AKAP13: variants seen among roughly 807,000 people sequenced by gnomAD.
AKAP13 encodes A-kinase anchor protein 13.
AKAP13 carries 80 observed loss-of-function variants against 264.5 expected under a neutral mutation model. The ratio of observed to expected loss-of-function variants is 0.30; its 90% CI spans 0.25 to 0.36. AKAP13 has a LOEUF of 0.36. Among genes scored for constraint, AKAP13 ranks in the 10% least tolerant of loss-of-function variants. The pLI is 1.00. For missense variants in AKAP13, 3,712 were observed against 3,435.2 expected, an observed-to-expected ratio of 1.08 and a Z score of -2.01; for synonymous variants, 1,380 against 1,250.2, an observed-to-expected ratio of 1.10 and a Z score of -2.19.
At chr15:85,429,970 G>A (rs921795351) in intron 1 of AKAP13, among the ~76,000 whole-genome samples, 6 of 152,308 alleles carry the variant, frequency 3.9e-5, no homozygotes, top group Non-Finnish European at 8.8e-5. Context: ...TGTTTAGTTA[G>A]TAGATCTGTG....
At position 85,579,708 on chromosome 15, in the gene AKAP13, A is replaced by T. The variant is rs1165482873; in HGVS notation, c.1640A>T (p.Lys547Ile). The T allele has an allele frequency of 6.2e-7, 1 of 1,614,242 alleles. No homozygotes were observed. The highest frequency in any genetic ancestry group is 1.1e-5 in the South Asian group (1 of 91,088). The change falls in exon 7 of 37, where the codon AAA (lysine) becomes ATA (isoleucine). Residue 547 changes from lysine to isoleucine, a missense_variant. Transcript: ENST00000394518. ...GCTGCCAGTTCCCTGGATGGTAACA[A>T]ACCTGCTGAGTCTTCACTTGCATTT... Reference protein sequence around the residue: ...APAASSLDGNKPAESSLAFSN... With the variant: ...APAASSLDGNIPAESSLAFSN...
intron 5 of AKAP13, among the ~76,000 whole-genome samples, chr15:85,545,035 C>T (rs990083687): frequency 3.3e-5 from 5 of 152,216 alleles, no homozygotes; most frequent in South Asian, 2.1e-4. Flanking sequence ...TTCCCCATCA[C>T]GCTAGACAGA....
At chr15:85,695,719 A>G (rs922923211) in intron 17 of AKAP13, among the ~76,000 whole-genome samples, 2 of 152,266 alleles carry the variant, frequency 1.3e-5, no homozygotes, top group Non-Finnish European at 2.9e-5. Context: ...CTGTGGGCAG[A>G]GATCACACAC....
At chr15:85,642,042 A>T (rs2082331739) in intron 9 of AKAP13, among the ~76,000 whole-genome samples, 1 of 152,204 alleles carries the variant, frequency 6.6e-6, no homozygotes, top group African/African-American at 2.4e-5. Flanking sequence ...TTACAGACAG[A>T]TTTACATATG....
intron 1 of AKAP13, among the ~76,000 whole-genome samples, chr15:85,446,487 A>T (rs1331386876): frequency 2.0e-5 from 3 of 152,228 alleles, no homozygotes; most frequent in African/African-American, 7.2e-5. Flanking sequence ...GGGGACTAGG[A>T]TGTCTAGCAG....
rs370429116 is a variant in AKAP13, at chr15:85,638,917, G to T, written c.4162-457G>T. 1.5e-4 allele frequency among the ~76,000 whole-genome samples: 23 copies of T among 152,086 alleles called. No homozygotes were observed. The South Asian group carries it at 4.8e-3, about 32-fold the overall frequency. ...GATTACAGGCGTGCACCACCACCAT[G>T]CCTGGGTAAATTTTGTATTTTAGTA... On this transcript the variant is annotated intron_variant, in intron 8 of 36. Transcript: ENST00000394518.
At position 85,543,752 on chromosome 15, in the gene AKAP13, A is replaced by G. The variant is rs746853550; in HGVS notation, c.479-20A>G. The G allele has an allele frequency of 2.3e-5, 36 of 1,576,800 alleles. No individual in the cohort carries two copies. Among genetic ancestry groups the G allele is most frequent in the East Asian group, 2.3e-5 (1 of 44,330 alleles). Reference sequence around the variant, plus strand: ...TTTTATATTTTCCTCACTTACGTTCATTTTCTCCCCCATTTACAGATGCTG... The same window carrying G: ...TTTTATATTTTCCTCACTTACGTTCGTTTTCTCCCCCATTTACAGATGCTG... On this transcript the variant is annotated intron_variant, in intron 4 of 36. Transcript: ENST00000394518.
At chr15:85,681,901 T>C (rs1410718311) in intron 14 of AKAP13, among the ~76,000 whole-genome samples, 1 of 152,164 alleles carries the variant, frequency 6.6e-6, no homozygotes. Context: ...AAAAGTTATT[T>C]GGAGTCTTTT....
At chr15:85,512,144 TCA>T (rs2076447137) in intron 2 of AKAP13, among the ~76,000 whole-genome samples, 1 of 152,180 alleles carries the variant, frequency 6.6e-6, no homozygotes, top group Non-Finnish European at 1.5e-5. Context: ...CTTTATTTAC[TCA>T]GTTATGGAAC....
Position 85,512,811 on chromosome 15 carries a change from TTTTA to T in AKAP13, c.34-8615_34-8612del, listed in dbSNP as rs776230897. 4.7e-3 allele frequency among the ~76,000 whole-genome samples: 680 copies of T among 144,566 alleles called. 3 individuals carry two copies. Among genetic ancestry groups the T allele is most frequent in the Non-Finnish European group, 6.9e-3 (461 of 66,424 alleles). 94.8% of individuals were successfully genotyped at this position (144,566 alleles called of 152,430 possible). On this transcript the variant is annotated intron_variant, in intron 2 of 36. Coordinates refer to ENST00000394518, the MANE Select transcript of AKAP13 (RefSeq NM_007200.5). ...ACCATGCTCCTACAGTGTTGACTATTTTTATGTATGTATGTATGTATGTATGTAT... is the reference window on the plus strand; with the variant it reads ...ACCATGCTCCTACAGTGTTGACTATTTGTATGTATGTATGTATGTATGTAT...
At chr15:85,740,963 C>A in intron 34 of AKAP13, 83 bp from the exon 35 acceptor site, 1 of 1,516,864 alleles carries the variant, frequency 6.6e-7, no homozygotes, top group Non-Finnish European at 8.8e-7. Context: ...GCCTGGTGCC[C>A]CCTGCTGTGG....
chr15:85,678,432 G>A (rs973308721), intron 14 of AKAP13, among the ~76,000 whole-genome samples: 4 of 152,108 alleles, frequency 2.6e-5, no homozygotes, highest in Non-Finnish European at 5.9e-5. Context: ...TAAGGATTTG[G>A]TATATTTTTC....
chr15:85,669,793 C>T lies in AKAP13; in HGVS notation c.5064C>T (p.Ser1688=), dbSNP rs2083814412. The T allele has an allele frequency of 2.5e-6, 4 of 1,613,124 alleles. No homozygotes were observed. The highest frequency in any genetic ancestry group is 3.4e-6 in the Non-Finnish European group (4 of 1,179,244). The change falls in exon 14 of 37, where the codon TCC becomes TCT. Residue 1688 remains serine (S), a synonymous_variant. Coordinates refer to ENST00000394518, the MANE Select transcript of AKAP13 (RefSeq NM_007200.5). Reference sequence around the variant, plus strand: ...CCATTTCCTCTCCATTGACAAAATCCATCTCATTAATGACAATCAGCCATC... The same window carrying T: ...CCATTTCCTCTCCATTGACAAAATCTATCTCATTAATGACAATCAGCCATC... The part of the protein sequence containing the change: ...TSAISSPLTK[S]ISLMTISHPG...
At chr15:85,686,233 TAC>T (rs2084919860) in intron 16 of AKAP13, among the ~76,000 whole-genome samples, 1 of 152,140 alleles carries the variant, frequency 6.6e-6, no homozygotes, top group South Asian at 2.1e-4. Flanking sequence ...TACAGATATA[TAC>T]ACACGTAGAT....
intron 14 of AKAP13, 57 bp from the exon 15 acceptor site, chr15:85,682,101 A>C: frequency 6.8e-7 from 1 of 1,481,234 alleles, no homozygotes; most frequent in Non-Finnish European, 9.4e-7. Flanking sequence ...TAAATATTCT[A>C]CCCGGCATCA....
intron 2 of AKAP13, among the ~76,000 whole-genome samples, chr15:85,498,199 G>GATATAGATATATATATAT (rs1467895169): frequency 1.8e-4 from 24 of 133,080 alleles, no homozygotes; most frequent in East Asian, 1.7e-3. Context: ...AATGAAGTGA[G>GATATAGATATATATATAT]ATATATATAT....
At chr15:85,744,584 C>T (rs779117718) in intron 36 of AKAP13, 44 bp from the exon 37 acceptor site, 4 of 1,600,766 alleles carry the variant, frequency 2.5e-6, no homozygotes, top group Non-Finnish European at 3.4e-6. Flanking sequence ...ATGAAAGGAG[C>T]AGTTTTTCTG....
Position 85,507,444 on chromosome 15 carries a change from C to T in AKAP13, c.34-13984C>T, listed in dbSNP as rs578052781. 7.3e-5 allele frequency among the ~76,000 whole-genome samples: 11 copies of T among 150,634 alleles called. No individual in the cohort carries two copies. The South Asian group carries it at 1.0e-3, about 14-fold the overall frequency. On this transcript the variant is annotated intron_variant, in intron 2 of 36. Transcript: ENST00000394518. ...GTAGTAACCATATTTCCCACAAAGC[C>T]GAAAATATTTACCATCTGAGTCTTC...
intron 8 of AKAP13, among the ~76,000 whole-genome samples, chr15:85,595,089 G>T: frequency 6.6e-6 from 1 of 151,656 alleles, no homozygotes; most frequent in East Asian, 1.9e-4. Flanking sequence ...AATTTGGAGG[G>T]TTTTTTTTGT....
Sources: allele counts gnomAD v4.1 joint callset (sites outside exome capture counted in the v4.1 genomes callset), GRCh38; gene constraint gnomAD v4.1.1; transcripts MANE v1.5; gene names NCBI Gene and HGNC (gene_info 2026-07-23, HGNC 2026-07-21).